Variants in LRRC38 observed in about 807,000 individuals in gnomAD.
The protein encoded by LRRC38 is leucine rich repeat containing 38.
Under a neutral mutation model 16.4 loss-of-function variants are expected in LRRC38, and 5 were observed. The ratio of observed to expected loss-of-function variants is 0.31; its 90% confidence interval spans 0.16 to 0.64. LRRC38 has a LOEUF of 0.64. Ranked by LOEUF, LRRC38 falls within the 30% of genes least tolerant of loss-of-function variation. The pLI is 0.80. For missense variants in LRRC38, 341 were observed against 401.8 expected (o/e 0.85, Z 1.29); for synonymous variants, 191 against 190.2 (o/e 1.00, Z -0.04).
intron 1 of LRRC38, among the ~76,000 whole-genome samples, chr1:13,489,505 A>G (rs1043290199): frequency 4.0e-5 from 6 of 148,736 alleles, no homozygotes; most frequent in African/African-American, 1.5e-4. Flanking sequence ...GGCCACTTGG[A>G]GTCTGGACTG....
intron 1 of LRRC38, among the ~76,000 whole-genome samples, chr1:13,507,026 G>C (rs1569938631): frequency 6.6e-6 from 1 of 152,230 alleles, no homozygotes; most frequent in Non-Finnish European, 1.5e-5. Context: ...TCAGCAAAAA[G>C]CGTTCCCTTT....
At position 13,475,769 on chromosome 1, in the gene LRRC38, TTCAGC is replaced by T. The variant is rs1557492796; in HGVS notation, c.*72_*76del. On this transcript the variant is annotated 3_prime_UTR_variant, in exon 2 of 2. Transcript: ENST00000376085. The surrounding 1 kb of genome is among the most constrained non-coding windows in gnomAD (Gnocchi z 4.3). ...AGATGGTGGCCAGTGCTTTTCCATT[TTCAGC>T]ATTTCCCTCTCGTCTTGGAGAGAGC... 9.3e-6 allele frequency: 14 copies of T among 1,502,800 alleles called. No homozygotes were observed. Among genetic ancestry groups the T allele is most frequent in the Non-Finnish European group, 1.1e-5 (12 of 1,121,570 alleles). 93.1% of individuals were successfully genotyped at this position (1,502,800 alleles called of 1,614,324 possible). A position where few individuals can be genotyped will look rare whatever the true frequency, so the allele number is the denominator to read the frequency against.
intron 1 of LRRC38, among the ~76,000 whole-genome samples, chr1:13,508,489 T>A (rs1023546108): frequency 1.3e-5 from 2 of 152,184 alleles, no homozygotes; most frequent in Admixed American, 1.3e-4. Flanking sequence ...ATGCTCCCAA[T>A]TCAGTAACAG....
chr1:13,501,468 GAGTGATCTCAGCT>G (rs1243756381), intron 1 of LRRC38, among the ~76,000 whole-genome samples: 1 of 151,118 alleles, frequency 6.6e-6, no homozygotes, highest in African/African-American at 2.5e-5. Context: ...GGGTGCAGTA[GAGTGATCTCAGCT>G]CACTCCAACT....
chr1:13,477,510 A>G (rs1404589188), intron 1 of LRRC38, among the ~76,000 whole-genome samples: 3 of 152,270 alleles, frequency 2.0e-5, no homozygotes, highest in Admixed American at 6.5e-5. Flanking sequence ...AGCTGAAACT[A>G]GCCATGAGAA....
intron 1 of LRRC38, among the ~76,000 whole-genome samples, chr1:13,502,867 G>A (rs1355586857): frequency 6.6e-6 from 1 of 152,190 alleles, no homozygotes; most frequent in Non-Finnish European, 1.5e-5. Flanking sequence ...CACTTCTGAT[G>A]TAGATGATCA....
At chr1:13,490,195 C>T (rs1362583577) in intron 1 of LRRC38, among the ~76,000 whole-genome samples, 2 of 152,106 alleles carry the variant, frequency 1.3e-5, no homozygotes, top group South Asian at 2.1e-4. Flanking sequence ...CTCACTCTGT[C>T]GCCCAGGCTG....
intron 1 of LRRC38, 43 bp downstream of exon 1, chr1:13,512,920 T>TTCCCCCCCCC: frequency 6.3e-6 from 8 of 1,269,026 alleles, no homozygotes; most frequent in South Asian, 1.4e-5. Context: ...GGCCTCTCCC[T>TTCCCCCCCCC]GCCCCCCTCC....
Position 13,475,828 on chromosome 1 carries a change from C to A in LRRC38, c.*18G>T. The A allele has an allele frequency of 6.5e-7, 1 of 1,546,704 alleles. No homozygotes were observed. Among genetic ancestry groups the A allele is most frequent in the Middle Eastern group, 2.1e-4 (1 of 4,840 alleles). On this transcript the variant is annotated 3_prime_UTR_variant, in exon 2 of 2. Coordinates refer to ENST00000376085, the MANE Select transcript of LRRC38 (RefSeq NM_001010847.2). This position sits in a 1 kb window ranked among gnomAD's most constrained non-coding sequence, Gnocchi z 4.3. The stretch of plus-strand genomic sequence containing the variant: ...TGGTTCGGTGCTGGAGAGTAAGAGG[C>A]AGGAGGGAGGAGGTGGCTCAGTCAT...
intron 1 of LRRC38, among the ~76,000 whole-genome samples, chr1:13,482,501 G>A (rs3013109): frequency 2.6e-5 from 4 of 151,236 alleles, no homozygotes; most frequent in East Asian, 3.9e-4. Flanking sequence ...AATTTCTTGA[G>A]CCCCAGAGGC....
intron 1 of LRRC38, among the ~76,000 whole-genome samples, chr1:13,477,078 C>T (rs892060736): frequency 1.3e-5 from 2 of 152,078 alleles, no homozygotes; most frequent in African/African-American, 4.8e-5. Flanking sequence ...GCACTCTAGA[C>T]TGGGCGACAG....
rs1029702428 is a variant in LRRC38 at position 13,475,251 on chromosome 1, G to T, written c.*595C>A. ...CCACCTCCAAATACCATCACATTGGGGATTAGGTTTCAACATATAAAATCT... is the reference window on the plus strand; with the variant it reads ...CCACCTCCAAATACCATCACATTGGTGATTAGGTTTCAACATATAAAATCT... On this transcript the variant is annotated 3_prime_UTR_variant, in exon 2 of 2. Transcript: ENST00000376085. This position sits in a 1 kb window ranked among gnomAD's most constrained non-coding sequence, Gnocchi z 4.3. 3 of 153,176 alleles carry T rather than the reference G, an allele frequency of 2.0e-5. No individual in the cohort carries two copies. The highest frequency in any genetic ancestry group is 6.4e-5 in the Admixed American group (1 of 15,514). The allele number at this position is 153,176 out of a possible 1,614,324, so 9.5% of individuals were successfully genotyped here.
chr1:13,489,397 C>T (rs1299771318), intron 1 of LRRC38, among the ~76,000 whole-genome samples: 1 of 152,178 alleles, frequency 6.6e-6, no homozygotes, highest in East Asian at 1.9e-4. Context: ...CATAGAAGAT[C>T]TGAAGTCACC....
intron 1 of LRRC38, 21 bp from the exon 2 acceptor site, chr1:13,476,120 G>A (rs1157841155): frequency 1.3e-6 from 2 of 1,548,940 alleles, no homozygotes; most frequent in Non-Finnish European, 1.7e-6. Context: ...GCAGGCAGAG[G>A]AGAGAGAGAT....
Position 13,494,074 on chromosome 1 carries a change from A to G in LRRC38, c.632-17975T>C, listed in dbSNP as rs75654183. On this transcript the variant is annotated intron_variant, in intron 1 of 1. Coordinates refer to ENST00000376085, the MANE Select transcript of LRRC38 (RefSeq NM_001010847.2). ...GGAGACTCTGTCTCAAAAACAAAAG[A>G]AGCATTTTGGATGTCTGACCTCCAG... Among the ~76,000 whole-genome samples, 858 of 152,306 alleles carry G rather than the reference A, an allele frequency of 5.6e-3. 11 individuals carry two copies. Among genetic ancestry groups the G allele is most frequent in the African/African-American group, 0.019 (780 of 41,562 alleles).
intron 1 of LRRC38, among the ~76,000 whole-genome samples, chr1:13,505,732 G>T (rs1339433941): frequency 1.3e-5 from 2 of 152,222 alleles, no homozygotes; most frequent in Admixed American, 1.3e-4. Flanking sequence ...GTCAGGGAAG[G>T]CCTCTCGGAG....
intron 1 of LRRC38, among the ~76,000 whole-genome samples, chr1:13,509,252 T>C (rs976478230): frequency 3.3e-5 from 5 of 152,186 alleles, no homozygotes; most frequent in Non-Finnish European, 2.9e-5. Context: ...TGCTGTAAGC[T>C]GTGACCTTCA....
At chr1:13,481,552 C>T (rs902050311) in intron 1 of LRRC38, among the ~76,000 whole-genome samples, 4 of 151,486 alleles carry the variant, frequency 2.6e-5, no homozygotes, top group African/African-American at 7.3e-5. Flanking sequence ...CCACCACGCC[C>T]GGCTAATTTT....
intron 1 of LRRC38, among the ~76,000 whole-genome samples, chr1:13,477,878 G>A (rs998747666): frequency 6.6e-6 from 1 of 152,166 alleles, no homozygotes; most frequent in Admixed American, 6.5e-5. Flanking sequence ...GTAGCCAGGG[G>A]TAGCTGAGTG....
Sources: gnomAD v4.1 joint callset for allele counts (sites outside exome capture counted in the v4.1 genomes callset) on GRCh38, gnomAD v4.1.1 for gene constraint, Gnocchi (gnomAD v3.1) non-coding constraint, MANE v1.5 for transcripts, NCBI Gene and HGNC (gene_info 2026-07-23, HGNC 2026-07-21) for gene names.